The following IMPDH1 variants were observed in gnomAD, a reference collection of about 807,000 sequenced individuals.
IMPDH1 encodes the protein inosine monophosphate dehydrogenase 1.
In IMPDH1, 41 loss-of-function variants were observed where a neutral mutation model predicts 73.5. The ratio of observed to expected loss-of-function variants is 0.56; its 90% confidence interval spans 0.43 to 0.72. The LOEUF (loss-of-function observed/expected upper bound fraction) is 0.72. Ranked by LOEUF, IMPDH1 falls within the 30% of genes least tolerant of loss-of-function variation. The pLI, the probability that IMPDH1 is intolerant of heterozygous loss-of-function variation, is 0.00. For synonymous variants in IMPDH1, 318 were observed against 334.3 expected (o/e 0.95, Z 0.53); for missense variants, 645 against 824.8 (o/e 0.78, Z 2.67).
At chr7:128,397,149 T>C in intron 10 of IMPDH1, 127 bp from the exon 11 acceptor site, 1 of 620,392 alleles carries the variant, frequency 1.6e-6, no homozygotes, top group Non-Finnish European at 2.8e-6. Context: ...TTCCTTCTGG[T>C]TGTTTTTTTT....
At chr7:128,403,637 T>C in intron 5 of IMPDH1, 69 bp downstream of exon 5, 1 of 1,392,388 alleles carries the variant, frequency 7.2e-7, no homozygotes, top group Non-Finnish European at 1.0e-6. Flanking sequence ...GCCCTGCCCC[T>C]GAGCAAGAAG....
intron 3 of IMPDH1, among the ~76,000 whole-genome samples, chr7:128,406,800 C>T (rs1798809019): frequency 6.6e-6 from 1 of 152,094 alleles, no homozygotes; most frequent in Non-Finnish European, 1.5e-5. Flanking sequence ...TCTCAGAGAG[C>T]GGTTTGTTAT....
chr7:128,400,391 A>G lies in IMPDH1; in HGVS notation c.728T>C (p.Val243Ala), dbSNP rs140233296. 63 of 1,612,676 alleles carry G rather than the reference A, an allele frequency of 3.9e-5. No individual in the cohort carries two copies. The highest frequency in any genetic ancestry group is 4.9e-5 in the Non-Finnish European group (58 of 1,179,840). The part of the protein sequence containing the change: ...GTMGSKLVGI[V>A]TSRDIDFLAE... The stretch of plus-strand genomic sequence containing the variant: ...AAGAAAGTCGATGTCTCGGGAGGTG[A>G]CGATGCCCACCAGCTTGCTGCCCAT... Residue 243 changes from valine to alanine, a missense_variant, in exon 8 of 17, where the codon GTC (valine) becomes GCC (alanine). Val to Ala is a moderately conservative substitution (Grantham distance 64). This residue lies in a region of IMPDH1 where 459 missense variants were observed against 638.2 expected (regional missense o/e 0.72). Coordinates refer to ENST00000338791, the MANE Select transcript of IMPDH1 (RefSeq NM_000883.4).
At chr7:128,405,514 G>A (rs955373755) in intron 4 of IMPDH1, among the ~76,000 whole-genome samples, 1 of 152,198 alleles carries the variant, frequency 6.6e-6, no homozygotes, top group African/African-American at 2.4e-5. Flanking sequence ...CCATGCCGCT[G>A]AGAGGAGGAA....
rs1054630170 is a variant in IMPDH1, at chr7:128,409,171, C to G, written c.254+118G>C. ...ACTACCCTACTCTTCCTCCAGTGTC[C>G]CTCATTCCCCTACAGACCCCAGCAT... On this transcript the variant is annotated intron_variant, in intron 3 of 16. Transcript: ENST00000338791. The G allele has an allele frequency of 3.3e-6, 3 of 901,338 alleles. No individual in the cohort carries two copies. In the African/African-American group the frequency reaches 5.0e-5, roughly 15 times the overall value. The allele number at this position is 901,338 out of a possible 1,614,324, so 55.8% of individuals were successfully genotyped here. A position where few individuals can be genotyped will look rare whatever the true frequency, so the allele number is the denominator to read the frequency against.
At chr7:128,402,837 C>T (rs569440489) in intron 5 of IMPDH1, among the ~76,000 whole-genome samples, 5 of 152,186 alleles carry the variant, frequency 3.3e-5, no homozygotes, top group Admixed American at 6.5e-5. Flanking sequence ...TTCATTGATT[C>T]GGCTCACTGA....
intron 1 of IMPDH1, 104 bp downstream of exon 1, chr7:128,409,652 G>A (rs1040282746): frequency 1.9e-5 from 29 of 1,504,298 alleles, no homozygotes; most frequent in African/African-American, 4.1e-5. Context: ...AAGGGTTTGT[G>A]GGGCCTGCCC....
At chr7:128,397,267 T>C (rs1440141681) in intron 10 of IMPDH1, among the ~76,000 whole-genome samples, 2 of 151,930 alleles carry the variant, frequency 1.3e-5, no homozygotes, top group Admixed American at 1.3e-4. Context: ...CATAAGGCCT[T>C]TCCTATCCAT....
intron 10 of IMPDH1, 89 bp from the exon 11 acceptor site, chr7:128,397,111 C>A (rs945714767): frequency 1.5e-5 from 13 of 859,412 alleles, no homozygotes; most frequent in Admixed American, 3.5e-5. Context: ...CCCCTCAAAT[C>A]CTATGAAAAC....
intron 7 of IMPDH1, 101 bp downstream of exon 7, chr7:128,400,716 G>A (rs1248945596): frequency 1.2e-5 from 15 of 1,206,734 alleles, no homozygotes; most frequent in South Asian, 3.6e-5. Flanking sequence ...GGAAGGACAC[G>A]CAGGGAGTGT....
rs1798279731 is a variant in IMPDH1, at chr7:128,400,808, G to T, written c.579+9C>A. The T allele has an allele frequency of 1.9e-6, 3 of 1,613,356 alleles. No individual in the cohort carries two copies. The Admixed American group carries it at 5.0e-5, about 27-fold the overall frequency. ...GTGGCATCTTGCTGGGGACAGGCCT[G>T]GTACTTGCCTTGACCTTCCGCACCT... On this transcript the variant is annotated intron_variant, in intron 7 of 16. Coordinates refer to ENST00000338791, the MANE Select transcript of IMPDH1 (RefSeq NM_000883.4).
intron 5 of IMPDH1, among the ~76,000 whole-genome samples, chr7:128,402,382 C>T (rs779778107): frequency 2.0e-5 from 3 of 152,210 alleles, no homozygotes; most frequent in Non-Finnish European, 4.4e-5. Flanking sequence ...GGATTACAGG[C>T]ATGAGCCACC....
In IMPDH1 at chr7:128,396,536, A is replaced by T; in HGVS notation, c.1261+64T>A. 8.3e-7 allele frequency: 1 copy of T among 1,199,116 alleles called. No individual in the cohort carries two copies. Among genetic ancestry groups the T allele is most frequent in the Non-Finnish European group, 1.2e-6 (1 of 827,220 alleles). The allele number at this position is 1,199,116 out of a possible 1,614,324, so 74.3% of individuals were successfully genotyped here. Reference sequence around the variant, plus strand: ...GCCTGGCAGAGAGAGTACTTGATATACATCTGGGGAACAAAGGCGAGGCCC... The same window carrying T: ...GCCTGGCAGAGAGAGTACTTGATATTCATCTGGGGAACAAAGGCGAGGCCC... On this transcript the variant is annotated intron_variant, in intron 12 of 16. Transcript: ENST00000338791. The surrounding 1 kb of genome is among the most constrained non-coding windows in gnomAD (Gnocchi z 4.0).
intron 9 of IMPDH1, among the ~76,000 whole-genome samples, chr7:128,399,668 G>GA (rs779626626): frequency 2.6e-5 from 4 of 151,562 alleles, no homozygotes; most frequent in Non-Finnish European, 4.4e-5. Context: ...GCCTGGGTGA[G>GA]AAAGTGAGAC....
At chr7:128,407,121 C>T (rs1413720747) in intron 3 of IMPDH1, among the ~76,000 whole-genome samples, 1 of 152,222 alleles carries the variant, frequency 6.6e-6, no homozygotes, top group Non-Finnish European at 1.5e-5. Context: ...CTCCCTGTGT[C>T]CTCCTGTGGC....
intron 3 of IMPDH1, 59 bp from the exon 4 acceptor site, chr7:128,405,924 C>CGCTGCTGCT: frequency 1.4e-6 from 2 of 1,447,282 alleles, no homozygotes; most frequent in Non-Finnish European, 1.8e-6. Flanking sequence ...CCGCTGCCGC[C>CGCTGCTGCT]GCTGCTGCTG....
chr7:128,400,104 T>C lies in IMPDH1; in HGVS notation c.865A>G (p.Ser289Gly). 3 of 1,612,384 alleles carry C rather than the reference T, an allele frequency of 1.9e-6. No homozygotes were observed. Among genetic ancestry groups the C allele is most frequent in the Non-Finnish European group, 2.5e-6 (3 of 1,179,416 alleles). The change falls in exon 9 of 17, where the codon AGC becomes GGC. Residue 289 changes from serine (S) to glycine (G), a missense_variant. Around this residue, in one of 2 missense-constraint regions of IMPDH1, gnomAD observed 459 missense variants for 638.2 expected, o/e 0.72. Transcript: ENST00000338791. ...ACTAGCTCCCTGGTACCTTTCTTGC[T>C]ACGCTGCAGGATCTCATTTGCCTCT... ...LKEANEILQR[S>G]KKGKLPIVND...
At position 128,398,124 on chromosome 7, in the gene IMPDH1, G is replaced by C. The variant is rs1033854725; in HGVS notation, c.1074+290C>G. Reference sequence around the variant, plus strand: ...TTTAACTTGTTTGTTTTCTTTCTTTGTATCTCAGATGACACAAACCATTGT... The same window carrying C: ...TTTAACTTGTTTGTTTTCTTTCTTTCTATCTCAGATGACACAAACCATTGT... On this transcript the variant is annotated intron_variant, in intron 10 of 16. Transcript: ENST00000338791. The surrounding 1 kb of genome is among the most constrained non-coding windows in gnomAD (Gnocchi z 4.3). Among the ~76,000 whole-genome samples the C allele has an allele frequency of 6.6e-6, 1 of 152,148 alleles. No individual in the cohort carries two copies. The highest frequency in any genetic ancestry group is 2.4e-5 in the African/African-American group (1 of 41,416).
chr7:128,406,541 C>A (rs1188169162), intron 3 of IMPDH1, among the ~76,000 whole-genome samples: 1 of 152,038 alleles, frequency 6.6e-6, no homozygotes, highest in Non-Finnish European at 1.5e-5. Flanking sequence ...CGGCATTCTT[C>A]ATAATGACAC....
Sources: allele counts gnomAD v4.1 joint callset (sites outside exome capture counted in the v4.1 genomes callset), GRCh38; gene constraint gnomAD v4.1.1; regional missense constraint gnomAD v4.1.1; non-coding constraint Gnocchi (gnomAD v3.1); transcripts MANE v1.5; gene names NCBI Gene and HGNC (gene_info 2026-07-23, HGNC 2026-07-21).